Variants in EML5 observed in about 807,000 individuals in gnomAD.
EML5 encodes the protein echinoderm microtubule-associated protein-like 5.
In EML5, 120 loss-of-function variants were observed where a neutral mutation model predicts 250.0. The ratio of observed to expected loss-of-function variants is 0.48; its 90% CI spans 0.41 to 0.56. EML5 has a LOEUF of 0.56. Ranked by LOEUF, EML5 falls within the 20% of genes least tolerant of loss-of-function variation. EML5 has a pLI of 0.00. For missense variants in EML5, 2,006 were observed against 2,437.6 expected (o/e 0.82, Z 3.73); for synonymous variants, 771 against 806.5 (o/e 0.96, Z 0.75).
chr14:88,706,927 C>CG (rs1324559551), intron 10 of EML5, among the ~76,000 whole-genome samples: 2 of 152,200 alleles, frequency 1.3e-5, no homozygotes, highest in Middle Eastern at 3.2e-3. Context: ...ATTAAAAAGT[C>CG]AATCAATGTA....
rs959147525 is a variant in EML5 at position 88,743,352 on chromosome 14, T to G, written c.525+671A>C. ...TCTGATCACCATACATTTTTATGTA[T>G]CAAAACATCACTATGTACCCATGAA... On this transcript the variant is annotated intron_variant, in intron 4 of 43. Coordinates refer to ENST00000554922, the MANE Select transcript of EML5 (RefSeq NM_183387.3). 1.1e-4 allele frequency among the ~76,000 whole-genome samples: 16 copies of G among 152,020 alleles called. No homozygotes were observed. The East Asian group carries it at 1.5e-3, about 15-fold the overall frequency.
At position 88,694,383 on chromosome 14, in the gene EML5, A is replaced by T; in HGVS notation, c.2463T>A (p.Val821=). 6.3e-7 allele frequency: 1 copy of T among 1,586,350 alleles called. No homozygotes were observed. Residue 821 remains valine, a synonymous_variant, in exon 17 of 44, where the codon GTT becomes GTA. Transcript: ENST00000554922. Reference sequence around the variant, plus strand: ...CAGGCACATAGGGGTTCATCTTTACAACAAAAATCTTATCTTTACTTCCTC... The same window carrying T: ...CAGGCACATAGGGGTTCATCTTTACTACAAAAATCTTATCTTTACTTCCTC... ...IARGSKDKIF[V]VKMNPYVPDK...
intron 35 of EML5, 149 bp downstream of exon 35, chr14:88,626,689 T>C (rs1201797197): frequency 1.1e-5 from 9 of 810,432 alleles, no homozygotes; most frequent in Non-Finnish European, 1.1e-5. Flanking sequence ...AAGAACTAGA[T>C]TTTTGAAAGA....
intron 43 of EML5, 78 bp from the exon 44 acceptor site, chr14:88,615,932 G>A (rs2087539931): frequency 1.3e-6 from 2 of 1,495,676 alleles, no homozygotes; most frequent in East Asian, 4.7e-5. Flanking sequence ...TTTCAGTTGT[G>A]CTTTCAGGTT....
intron 3 of EML5, among the ~76,000 whole-genome samples, 170 bp from the exon 4 acceptor site, chr14:88,744,261 AATG>A (rs2093971451): frequency 6.6e-6 from 1 of 152,084 alleles, no homozygotes; most frequent in South Asian, 2.1e-4. Flanking sequence ...TAAATTTGAA[AATG>A]ATAAGAAATA....
At chr14:88,755,203 A>G (rs1176565971) in intron 1 of EML5, among the ~76,000 whole-genome samples, 1 of 152,232 alleles carries the variant, frequency 6.6e-6, no homozygotes, top group East Asian at 1.9e-4. Flanking sequence ...AGCTAATTAT[A>G]CCCTTCATAA....
chr14:88,662,389 G>T (rs1387244220), intron 24 of EML5, among the ~76,000 whole-genome samples: 4 of 109,108 alleles, frequency 3.7e-5, no homozygotes, highest in African/African-American at 1.4e-4. Flanking sequence ...ACAGTAATCT[G>T]CCAACAAACT....
rs35613883 is a variant in EML5, at chr14:88,776,718, CA to C, written c.197+15588del. Among the ~76,000 whole-genome samples, 312 of 144,744 alleles carry C rather than the reference CA, an allele frequency of 2.2e-3. 3 individuals carry two copies. The East Asian group carries it at 0.027, about 13-fold the overall frequency. 95.0% of individuals were successfully genotyped at this position (144,744 alleles called of 152,430 possible). A position where few individuals can be genotyped will look rare whatever the true frequency, so the allele number is the denominator to read the frequency against. On this transcript the variant is annotated intron_variant, in intron 1 of 43. Coordinates refer to ENST00000554922, the MANE Select transcript of EML5 (RefSeq NM_183387.3). The stretch of plus-strand genomic sequence containing the variant: ...TAACATGGCAAAACCCTGTCTCTAC[CA>C]AAAAAAAAAAAATTAGCTGGGCATA...
intron 3 of EML5, among the ~76,000 whole-genome samples, chr14:88,745,366 CA>C (rs1158812750): frequency 6.6e-6 from 1 of 151,936 alleles, no homozygotes; most frequent in Non-Finnish European, 1.5e-5. Context: ...TACATACACA[CA>C]AATTAGACAC....
intron 21 of EML5, among the ~76,000 whole-genome samples, chr14:88,676,615 G>A (rs2092599791): frequency 6.6e-6 from 1 of 151,994 alleles, no homozygotes; most frequent in African/African-American, 2.4e-5. Flanking sequence ...ATTCTTCACA[G>A]AATTAGAAAA....
intron 10 of EML5, among the ~76,000 whole-genome samples, 182 bp downstream of exon 10, chr14:88,712,089 A>G (rs2093417898): frequency 6.6e-6 from 1 of 152,218 alleles, no homozygotes; most frequent in Non-Finnish European, 1.5e-5. Context: ...TTCTAATAAA[A>G]CTTCATGACC....
intron 1 of EML5, among the ~76,000 whole-genome samples, chr14:88,785,449 T>C (rs1415256450): frequency 1.3e-5 from 2 of 152,214 alleles, no homozygotes; most frequent in Admixed American, 6.5e-5. Flanking sequence ...ACCCCATAAA[T>C]AGATAAACTC....
chr14:88,649,924 T>C lies in EML5; in HGVS notation c.4007A>G (p.Gln1336Arg). The change falls in exon 28 of 44, where the codon CAG (glutamine) becomes CGG (arginine). Residue 1336 changes from glutamine to arginine, a missense_variant and splice_region_variant. This residue lies in a region of EML5 where 1,375 missense variants were observed against 1,590.3 expected (regional missense o/e 0.86). Coordinates refer to ENST00000554922, the MANE Select transcript of EML5 (RefSeq NM_183387.3). ...QQKEPSIDER[Q>R]GVVRGSRPPV... ...ATAAAACACTTACCTTACTACTCCC[T>C]GCCTTCAAAAGGAGCAAGGGGGAAA... 1.3e-6 allele frequency: 2 copies of C among 1,488,882 alleles called. No individual in the cohort carries two copies. Among genetic ancestry groups the C allele is most frequent in the Non-Finnish European group, 1.8e-6 (2 of 1,119,694 alleles). 92.2% of individuals were successfully genotyped at this position (1,488,882 alleles called of 1,614,324 possible).
rs1282693580 is a variant in EML5, at chr14:88,702,541, G to A, written c.2143C>T (p.Arg715Ter). The A allele has an allele frequency of 6.2e-7, 1 of 1,613,072 alleles. No individual in the cohort carries two copies. Among genetic ancestry groups the A allele is most frequent in the Non-Finnish European group, 8.5e-7 (1 of 1,179,446 alleles). The change falls in exon 14 of 44, where the codon CGA (arginine) becomes TGA (stop). Residue 715 changes from arginine (R) to a stop codon, truncating the protein, a stop_gained. Coordinates refer to ENST00000554922, the MANE Select transcript of EML5 (RefSeq NM_183387.3). LOFTEE classifies it high-confidence loss of function. ...TAAAAACGCTGTGTGTTTTGCTGTCGATTATAAATGACACCCACTGCTGCC... is the reference window on the plus strand; with the variant it reads ...TAAAAACGCTGTGTGTTTTGCTGTCAATTATAAATGACACCCACTGCTGCC... ...HVAAVGVIYN[R>*]QQNTQRFYLG...
rs189066667 is a variant in EML5, at chr14:88,792,302, G to C, written c.197+5C>G. 1 of 1,550,310 alleles carries C rather than the reference G, an allele frequency of 6.5e-7. No homozygotes were observed. Among genetic ancestry groups the C allele is most frequent in the Admixed American group, 1.9e-5 (1 of 51,546 alleles). On this transcript the variant is annotated splice_donor_5th_base_variant and intron_variant, in intron 1 of 43. Transcript: ENST00000554922. The surrounding 1 kb of genome is among the most constrained non-coding windows in gnomAD (Gnocchi z 6.9). ...GTGACGGCGGCGGCCCCCGCTCCCC[G>C]GTACCTGATGATGTCGTCGCTGTGG...
intron 1 of EML5, among the ~76,000 whole-genome samples, chr14:88,766,864 G>A (rs561888775): frequency 2.6e-5 from 4 of 152,114 alleles, no homozygotes; most frequent in Admixed American, 6.5e-5. Context: ...CAGACTGGCC[G>A]ACACTTAGGG....
intron 8 of EML5, among the ~76,000 whole-genome samples, chr14:88,726,099 T>G (rs980812569): frequency 6.6e-6 from 1 of 152,098 alleles, no homozygotes; most frequent in African/African-American, 2.4e-5. Flanking sequence ...TAAATTTTTC[T>G]AATTACTCAA....
At position 88,746,234 on chromosome 14, in the gene EML5, TC is replaced by T; in HGVS notation, c.406del (p.Asp136ThrfsTer36). On this transcript the variant is annotated frameshift_variant, in exon 3 of 44. Coordinates refer to ENST00000554922, the MANE Select transcript of EML5 (RefSeq NM_183387.3). LOFTEE classifies it high-confidence loss of function. ...LDSKNAVCVW[D>X]WKRGKMLSMA... ...AGACAACATTTTTCCCCTTTTCCAG[TC>T]CCAAACACAAACTGCATTCTTTGAA... 1 of 1,613,342 alleles carries T rather than the reference TC, an allele frequency of 6.2e-7. No individual in the cohort carries two copies. The highest frequency in any genetic ancestry group is 1.3e-5 in the African/African-American group (1 of 74,978).
intron 29 of EML5, chr14:88,644,720 A>C: frequency 2.2e-6 from 1 of 449,060 alleles, no homozygotes; most frequent in Non-Finnish European, 4.0e-6. Context: ...ATTTTATTTT[A>C]TTTTTTTTGA....
Sources: allele counts gnomAD v4.1 joint callset (sites outside exome capture counted in the v4.1 genomes callset), GRCh38; gene constraint gnomAD v4.1.1; regional missense constraint gnomAD v4.1.1; non-coding constraint Gnocchi (gnomAD v3.1); transcripts MANE v1.5; gene names NCBI Gene and HGNC (gene_info 2026-07-23, HGNC 2026-07-21).